Variants in ALDH1A1 observed in about 807,000 individuals in gnomAD.
ALDH1A1 encodes aldehyde dehydrogenase 1 family member A1, also known as aldehyde dehydrogenase 1A1.
ALDH1A1 carries 19 observed loss-of-function variants against 62.1 expected under a neutral mutation model. The observed-to-expected ratio is 0.31, with a 90% CI of 0.21 to 0.45. ALDH1A1 has a LOEUF of 0.45. Ranked by LOEUF, ALDH1A1 falls within the 20% of genes least tolerant of loss-of-function variation. The probability of loss-of-function intolerance (pLI) is 1.00; values close to 1 mark genes in which losing one functional copy is unlikely to be tolerated. For missense variants in ALDH1A1, 521 were observed against 607.1 expected (o/e 0.86, Z 1.49); for synonymous variants, 231 against 215.9 (o/e 1.07, Z -0.61).
intron 11 of ALDH1A1, among the ~76,000 whole-genome samples, 200 bp downstream of exon 11, chr9:72,909,402 C>T (rs926368350): frequency 1.3e-5 from 2 of 152,092 alleles, no homozygotes; most frequent in Non-Finnish European, 2.9e-5. Flanking sequence ...AGCTGATCCA[C>T]CCACCTCAGC....
At chr9:72,919,073 T>C (rs1389728436) in intron 7 of ALDH1A1, among the ~76,000 whole-genome samples, 1 of 152,122 alleles carries the variant, frequency 6.6e-6, no homozygotes, top group Non-Finnish European at 1.5e-5. Context: ...TTTTTAAAGA[T>C]CTGGCACTTT....
At chr9:72,907,463 G>T (rs1420130034) in intron 11 of ALDH1A1, among the ~76,000 whole-genome samples, 3 of 152,190 alleles carry the variant, frequency 2.0e-5, no homozygotes, top group South Asian at 2.1e-4. Context: ...CCTCAGTGGG[G>T]TGATGTCATA....
chr9:72,908,162 G>T (rs1829900254), intron 11 of ALDH1A1, among the ~76,000 whole-genome samples: 1 of 152,130 alleles, frequency 6.6e-6, no homozygotes, highest in East Asian at 1.9e-4. Context: ...GCTCAGGCCT[G>T]TAATCCCAGC....
chr9:72,948,211 G>A (rs1296878994), intron 1 of ALDH1A1, among the ~76,000 whole-genome samples: 1 of 151,946 alleles, frequency 6.6e-6, no homozygotes, highest in Non-Finnish European at 1.5e-5. Flanking sequence ...CTTGCAGCCA[G>A]TCAGCTATTT....
intron 10 of ALDH1A1, 30 bp from the exon 11 acceptor site, chr9:72,909,789 T>C (rs750046574): frequency 2.6e-6 from 4 of 1,543,454 alleles, no homozygotes; most frequent in Non-Finnish European, 3.5e-6. Flanking sequence ...TAAGTAAAAA[T>C]AATAGGTTAA....
At chr9:72,913,226 A>T (rs1424243814) in intron 9 of ALDH1A1, among the ~76,000 whole-genome samples, 1 of 152,242 alleles carries the variant, frequency 6.6e-6, no homozygotes, top group Non-Finnish European at 1.5e-5. Flanking sequence ...TAACTAGATT[A>T]AGCACTATTT....
chr9:72,945,770 G>A (rs1332817057), intron 1 of ALDH1A1, among the ~76,000 whole-genome samples: 3 of 151,874 alleles, frequency 2.0e-5, no homozygotes, highest in African/African-American at 4.8e-5. Flanking sequence ...CCTGAGGCAG[G>A]AAAGCAAAAT....
intron 2 of ALDH1A1, among the ~76,000 whole-genome samples, chr9:72,933,286 G>T (rs1167422318): frequency 6.6e-6 from 1 of 152,214 alleles, no homozygotes; most frequent in Non-Finnish European, 1.5e-5. Flanking sequence ...AGACAGCAGA[G>T]TGAAGTAAGA....
intron 11 of ALDH1A1, 60 bp downstream of exon 11, chr9:72,909,542 G>A: frequency 7.0e-7 from 1 of 1,435,926 alleles, no homozygotes; most frequent in Non-Finnish European, 9.3e-7. Flanking sequence ...AAAAGTTCAA[G>A]GTAGTAATCT....
rs1387550400 is a variant in ALDH1A1 at position 72,952,988 on chromosome 9, C to T, written c.13G>A (p.Gly5Ser). The change falls in exon 1 of 13, where the codon GGC becomes AGC. Residue 5 changes from glycine to serine, a missense_variant. Transcript: ENST00000297785. ...AGTAGGACAGGTAAGTCTGGCGTGC[C>T]TGAGGATGACATTTCTGATTCGGCT... The part of the protein sequence containing the change: MSSS[G>S]TPDLPVLLTD... The T allele has an allele frequency of 3.7e-6, 6 of 1,613,054 alleles. 1 individual carries two copies. Among genetic ancestry groups the T allele is most frequent in the South Asian group, 3.3e-5 (3 of 91,038 alleles).
At chr9:72,920,288 A>T (rs1270923435) in intron 7 of ALDH1A1, among the ~76,000 whole-genome samples, 2 of 152,166 alleles carry the variant, frequency 1.3e-5, no homozygotes, top group African/African-American at 4.8e-5. Context: ...GATTAATAAA[A>T]AATAAATTAA....
intron 9 of ALDH1A1, among the ~76,000 whole-genome samples, chr9:72,915,472 T>A (rs953166921): frequency 1.7e-4 from 26 of 152,122 alleles, no homozygotes; most frequent in Admixed American, 3.9e-4. Context: ...AACATAGAAT[T>A]CCATTCTTTT....
At chr9:72,947,896 G>T (rs1272153834) in intron 1 of ALDH1A1, among the ~76,000 whole-genome samples, 1 of 151,838 alleles carries the variant, frequency 6.6e-6, no homozygotes, top group Non-Finnish European at 1.5e-5. Flanking sequence ...AATCAGTTTT[G>T]AGCTGTGATA....
chr9:72,916,292 C>A (rs775806145), intron 9 of ALDH1A1, among the ~76,000 whole-genome samples: 28 of 152,092 alleles, frequency 1.8e-4, no homozygotes, highest in Non-Finnish European at 3.5e-4. Context: ...AAACAATGAA[C>A]AGAGAACTAT....
chr9:72,941,262 A>T (rs1381023584), intron 1 of ALDH1A1, among the ~76,000 whole-genome samples: 1 of 152,072 alleles, frequency 6.6e-6, no homozygotes, highest in Non-Finnish European at 1.5e-5. Context: ...TAATAGTTCA[A>T]CCCCGAGGGA....
At chr9:72,915,764 A>C (rs947456978) in intron 9 of ALDH1A1, among the ~76,000 whole-genome samples, 2 of 152,176 alleles carry the variant, frequency 1.3e-5, no homozygotes, top group African/African-American at 4.8e-5. Context: ...TGGACTGTAA[A>C]CTCCATGAGG....
intron 11 of ALDH1A1, among the ~76,000 whole-genome samples, chr9:72,909,155 C>CTTTTTTTTTTT (rs5898281): frequency 6.6e-5 from 5 of 75,536 alleles, no homozygotes; most frequent in African/African-American, 2.3e-4. Context: ...TCCAATACAG[C>CTTTTTTTTTTT]TTTTTTTTTT....
At chr9:72,923,441 C>T (rs746312740) in intron 7 of ALDH1A1, among the ~76,000 whole-genome samples, 1 of 152,022 alleles carries the variant, frequency 6.6e-6, no homozygotes, top group Non-Finnish European at 1.5e-5. Flanking sequence ...ATCTATTTTC[C>T]CAAACTTCAC....
At chr9:72,927,889 C>G (rs949876304) in intron 4 of ALDH1A1, among the ~76,000 whole-genome samples, 9 of 151,602 alleles carry the variant, frequency 5.9e-5, no homozygotes, top group African/African-American at 2.2e-4. Flanking sequence ...TTATGTGCCC[C>G]GAAGTTTAAT....
Sources: gnomAD v4.1 joint callset for allele counts (sites outside exome capture counted in the v4.1 genomes callset) on GRCh38, gnomAD v4.1.1 for gene constraint, MANE v1.5 for transcripts, NCBI Gene and HGNC (gene_info 2026-07-23, HGNC 2026-07-21) for gene names.